Variants in NDFIP1 observed in about 807,000 individuals in gnomAD.
NDFIP1 encodes the protein NEDD4 family-interacting protein 1.
NDFIP1 carries 7 observed loss-of-function variants against 28.8 expected under a neutral mutation model. The ratio of observed to expected loss-of-function variants is 0.24; its 90% CI spans 0.14 to 0.46. The LOEUF (loss-of-function observed/expected upper bound fraction) is 0.46. Ranked by LOEUF, NDFIP1 falls within the 20% of genes least tolerant of loss-of-function variation. The pLI, the probability that NDFIP1 is intolerant of heterozygous loss-of-function variation, is 0.99. For synonymous variants in NDFIP1, 92 were observed against 101.0 expected (o/e 0.91, Z 0.53); for missense variants, 194 against 269.1 (o/e 0.72, Z 1.95).
intron 3 of NDFIP1, among the ~76,000 whole-genome samples, chr5:142,134,943 C>T (rs147211181): frequency 2.6e-5 from 4 of 152,120 alleles, no homozygotes; most frequent in Non-Finnish European, 4.4e-5. Context: ...TCTTTTTTCC[C>T]CTATATCAGC....
chr5:142,148,705 C>T (rs1319952944), intron 7 of NDFIP1, among the ~76,000 whole-genome samples: 3 of 131,018 alleles, frequency 2.3e-5, no homozygotes, highest in African/African-American at 5.7e-5. Context: ...GAGCCAAGAT[C>T]ACACCACTGC....
At chr5:142,128,011 G>GA (rs1303880182) in intron 1 of NDFIP1, among the ~76,000 whole-genome samples, 6 of 151,798 alleles carry the variant, frequency 4.0e-5, no homozygotes, top group African/African-American at 1.5e-4. Flanking sequence ...TATATGACAG[G>GA]AAAAAAAATC....
At chr5:142,109,097 C>A in intron 1 of NDFIP1, 60 bp downstream of exon 1, 1 of 1,253,510 alleles carries the variant, frequency 8.0e-7, no homozygotes, top group Non-Finnish European at 1.0e-6. Flanking sequence ...TGCCCGCTGG[C>A]CGCCTCAGGC....
chr5:142,143,969 G>A (rs1757361340), intron 6 of NDFIP1: 1 of 150,584 alleles, frequency 6.6e-6, no homozygotes, highest in Admixed American at 6.7e-5. Context: ...CTCCAGCCTG[G>A]GCAACAGAGC....
At chr5:142,118,680 C>G (rs957762437) in intron 1 of NDFIP1, among the ~76,000 whole-genome samples, 1 of 152,168 alleles carries the variant, frequency 6.6e-6, no homozygotes, top group African/African-American at 2.4e-5. Context: ...TATGTAACAC[C>G]TCGCTGAGGG....
chr5:142,146,384 T>C (rs766114449), intron 7 of NDFIP1, among the ~76,000 whole-genome samples: 23 of 152,234 alleles, frequency 1.5e-4, no homozygotes, highest in Non-Finnish European at 2.2e-4. Flanking sequence ...AAGAGACTTA[T>C]TAGATATTCT....
At chr5:142,110,787 T>G (rs554275288) in intron 1 of NDFIP1, among the ~76,000 whole-genome samples, 53 of 152,246 alleles carry the variant, frequency 3.5e-4, no homozygotes, top group Non-Finnish European at 6.6e-4. Context: ...TGTGTACAGA[T>G]AAGGAATGCA....
intron 1 of NDFIP1, among the ~76,000 whole-genome samples, chr5:142,124,122 G>T (rs191851909): frequency 6.6e-6 from 1 of 152,136 alleles, no homozygotes; most frequent in African/African-American, 2.4e-5. Context: ...CTCAAGCTGG[G>T]TGCCAGAAAA....
chr5:142,135,375 T>C (rs1021309450), intron 3 of NDFIP1, among the ~76,000 whole-genome samples: 1 of 152,190 alleles, frequency 6.6e-6, no homozygotes, highest in African/African-American at 2.4e-5. Flanking sequence ...ATTTTGTCTT[T>C]TGTCTTTTCT....
At chr5:142,115,921 C>A (rs1757062733) in intron 1 of NDFIP1, among the ~76,000 whole-genome samples, 1 of 152,102 alleles carries the variant, frequency 6.6e-6, no homozygotes, top group African/African-American at 2.4e-5. Context: ...ACTATAACAG[C>A]TATTTTACAT....
intron 6 of NDFIP1, chr5:142,142,940 A>ATATATATATATATAT (rs1554092158): frequency 3.1e-4 from 12 of 38,130 alleles, no homozygotes; most frequent in South Asian, 8.0e-4. Context: ...AAAAAAAAAA[A>ATATATATATATATAT]ATATATATAT....
At chr5:142,120,526 G>GT (rs1279597614) in intron 1 of NDFIP1, among the ~76,000 whole-genome samples, 2 of 152,142 alleles carry the variant, frequency 1.3e-5, no homozygotes, top group South Asian at 2.1e-4. Context: ...TTGCTTGTAA[G>GT]TTTTTTTGCC....
At chr5:142,120,811 G>A (rs1239795264) in intron 1 of NDFIP1, among the ~76,000 whole-genome samples, 2 of 152,222 alleles carry the variant, frequency 1.3e-5, no homozygotes, top group Non-Finnish European at 2.9e-5. Context: ...TGTGATGATA[G>A]TGTAACAGGA....
chr5:142,114,042 C>T (rs560473249), intron 1 of NDFIP1, among the ~76,000 whole-genome samples: 1 of 152,046 alleles, frequency 6.6e-6, no homozygotes, highest in Non-Finnish European at 1.5e-5. Flanking sequence ...CTTTCAAGTC[C>T]CTGCTTTCAG....
At chr5:142,125,774 T>C (rs762638969) in intron 1 of NDFIP1, among the ~76,000 whole-genome samples, 2 of 152,246 alleles carry the variant, frequency 1.3e-5, no homozygotes, top group Admixed American at 6.5e-5. Context: ...CAGCACTTGT[T>C]ATTGTCTGTC....
chr5:142,140,514 G>A, intron 5 of NDFIP1, 49 bp from the exon 6 acceptor site: 1 of 1,424,058 alleles, frequency 7.0e-7, no homozygotes, highest in Non-Finnish European at 9.7e-7. Context: ...GTTAAAATGA[G>A]AAATTGTGTC....
At chr5:142,127,590 T>C (rs1036178817) in intron 1 of NDFIP1, among the ~76,000 whole-genome samples, 2 of 152,212 alleles carry the variant, frequency 1.3e-5, no homozygotes, top group African/African-American at 2.4e-5. Context: ...TTATAGGTAG[T>C]TCTGTATTAA....
In NDFIP1 at chr5:142,153,950, G is replaced by A. The variant is rs1757472825; in HGVS notation, c.*2222G>A. 2 of 152,564 alleles carry A rather than the reference G, an allele frequency of 1.3e-5. No homozygotes were observed. The highest frequency in any genetic ancestry group is 6.5e-5 in the Admixed American group (1 of 15,322). 9.5% of individuals were successfully genotyped at this position (152,564 alleles called of 1,614,324 possible). On this transcript the variant is annotated 3_prime_UTR_variant, in exon 8 of 8. Transcript: ENST00000253814. ...CAAATGTAAACCTACAGTTTGATACGCTTTAAAATACCTAGTTAAGAGGAT... is the reference window on the plus strand; with the variant it reads ...CAAATGTAAACCTACAGTTTGATACACTTTAAAATACCTAGTTAAGAGGAT...
rs1041921117 is a variant in NDFIP1 at position 142,149,358 on chromosome 5, A to G, written c.*3-2373A>G. ...GGTGTTTCCAGTAGAATTTTTGCTA[A>G]ACAAAATTTACATGTCTCCAAGAAG... On this transcript the variant is annotated intron_variant, in intron 7 of 7. Coordinates refer to ENST00000253814, the MANE Select transcript of NDFIP1 (RefSeq NM_030571.4). 7.9e-5 allele frequency among the ~76,000 whole-genome samples: 12 copies of G among 152,068 alleles called. No individual in the cohort carries two copies. The South Asian group carries it at 1.2e-3, about 16-fold the overall frequency.
Sources: gnomAD v4.1 joint callset for allele counts (sites outside exome capture counted in the v4.1 genomes callset) on GRCh38, gnomAD v4.1.1 for gene constraint, MANE v1.5 for transcripts, NCBI Gene and HGNC (gene_info 2026-07-23, HGNC 2026-07-21) for gene names.